Variants in TBXA2R observed in about 807,000 individuals in gnomAD.
TBXA2R encodes thromboxane A2 receptor, also known as prostanoid TP receptor.
A neutral mutation model predicts 15.6 loss-of-function variants in TBXA2R; 15 were observed. The ratio of observed to expected loss-of-function variants is 0.96; its 90% CI spans 0.64 to 1.48. The LOEUF is 1.48. Among genes scored for constraint, TBXA2R ranks in the 40% most tolerant of loss-of-function variants. TBXA2R has a pLI of 0.00. For synonymous variants in TBXA2R, 280 were observed against 241.2 expected (o/e 1.16, Z -1.49); for missense variants, 506 against 491.4 (o/e 1.03, Z -0.28).
rs1260682037 is a variant in TBXA2R, at chr19:3,600,190, C to T, written c.445G>A (p.Ala149Thr). The T allele has an allele frequency of 1.3e-6, 2 of 1,595,542 alleles. No homozygotes were observed. The highest frequency in any genetic ancestry group is 1.7e-5 in the Admixed American group (1 of 57,532). The change falls in exon 2 of 3, where the codon GCC becomes ACC. Residue 149 changes from alanine to threonine, a missense_variant. Transcript: ENST00000375190. ...SRPAVASQRR[A>T]WATVGLVWAA... The stretch of plus-strand genomic sequence containing the variant: ...CACACCAGCCCCACGGTGGCCCAGG[C>T]GCGGCGCTGCGAGGCGACCGCCGGG...
intron 1 of TBXA2R, among the ~76,000 whole-genome samples, chr19:3,603,513 G>A (rs763996158): frequency 1.3e-5 from 2 of 152,178 alleles, no homozygotes; most frequent in East Asian, 3.8e-4. Context: ...TTCCTCCCTC[G>A]AGAGCTGGTA....
chr19:3,596,011 G>C (rs2032597849), intron 2 of TBXA2R, 78 bp from the exon 3 acceptor site: 16 of 1,514,716 alleles, frequency 1.1e-5, no homozygotes, highest in Non-Finnish European at 1.2e-5. Flanking sequence ...GGTCCCTTGA[G>C]ATCCAGGGTC....
rs1002282786 is a variant in TBXA2R at position 3,600,823 on chromosome 19, C to G, written c.-83-106G>C. On this transcript the variant is annotated intron_variant, in intron 1 of 2. Coordinates refer to ENST00000375190, the MANE Select transcript of TBXA2R (RefSeq NM_001060.6). ...CAATGCCCCAGCTCAAATATCCTCT[C>G]CGGTTTTTTTTTTTTTTTTTTTTGA... The G allele has an allele frequency of 3.8e-5, 19 of 503,690 alleles. 1 individual carries two copies. The African/African-American group carries it at 5.3e-4, about 14-fold the overall frequency. 31.2% of individuals were successfully genotyped at this position (503,690 alleles called of 1,614,324 possible). A position where few individuals can be genotyped will look rare whatever the true frequency, so the allele number is the denominator to read the frequency against.
intron 1 of TBXA2R, among the ~76,000 whole-genome samples, chr19:3,602,165 G>C (rs912492951): frequency 6.6e-6 from 1 of 152,164 alleles, no homozygotes; most frequent in Non-Finnish European, 1.5e-5. Context: ...AGCTTGCAGT[G>C]AGCTGAGATC....
At chr19:3,601,040 C>T (rs1348760442) in intron 1 of TBXA2R, among the ~76,000 whole-genome samples, 1 of 151,684 alleles carries the variant, frequency 6.6e-6, no homozygotes, top group East Asian at 2.0e-4. Context: ...AGGCGTGAGC[C>T]ACCGTGCCCG....
Position 3,595,078 on chromosome 19 carries a change from TAA to T in TBXA2R, c.*608_*609del, listed in dbSNP as rs34885751. On this transcript the variant is annotated 3_prime_UTR_variant, in exon 3 of 3. Transcript: ENST00000375190. ...CTGGGCCACAGAGTGAGACTCCGTC[TAA>T]AAAAAAAAAAAAAAATGGCCAGGTG... 0.023 allele frequency: 10,818 copies of T among 468,042 alleles called. No homozygotes were observed. Among genetic ancestry groups the T allele is most frequent in the East Asian group, 0.041 (958 of 23,506 alleles). 29.0% of individuals were successfully genotyped at this position (468,042 alleles called of 1,614,324 possible). A position where few individuals can be genotyped will look rare whatever the true frequency, so the allele number is the denominator to read the frequency against.
chr19:3,599,922 T>A lies in TBXA2R; in HGVS notation c.713A>T (p.Asp238Val). 9.0e-6 allele frequency: 14 copies of A among 1,550,140 alleles called. No individual in the cohort carries two copies. The highest frequency in any genetic ancestry group is 1.2e-5 in the Non-Finnish European group (14 of 1,147,542). ...GQEAAQQRPR[D>V]SEVEMMAQLL... The stretch of plus-strand genomic sequence containing the variant: ...CTGAGCCATCATCTCCACCTCGGAG[T>A]CCCGGGGACGCTGCTGGGCCGCCTC... The change falls in exon 2 of 3, where the codon GAC becomes GTC. Residue 238 changes from aspartate to valine, a missense_variant. Transcript: ENST00000375190.
At chr19:3,602,838 C>A (rs1422331376) in intron 1 of TBXA2R, among the ~76,000 whole-genome samples, 3 of 151,520 alleles carry the variant, frequency 2.0e-5, no homozygotes, top group Non-Finnish European at 4.4e-5. Flanking sequence ...AGATCGAGAC[C>A]ATCCTGGCTA....
chr19:3,600,521 G>A lies in TBXA2R; in HGVS notation c.114C>T (p.Gly38=). Residue 38 remains glycine (G), a synonymous_variant, in exon 2 of 3, where the codon GGC becomes GGT. Coordinates refer to ENST00000375190, the MANE Select transcript of TBXA2R (RefSeq NM_001060.6). Reference sequence around the variant, plus strand: ...TCAGGGCCAGCAGGTTGGAGGCCAGGCCCACCACGCAGAAGGAGGCGGCGA... The same window carrying A: ...TCAGGGCCAGCAGGTTGGAGGCCAGACCCACCACGCAGAAGGAGGCGGCGA... The part of the protein sequence containing the change: ...PWFAASFCVV[G]LASNLLALSV... 1 of 1,612,366 alleles carries A rather than the reference G, an allele frequency of 6.2e-7. No individual in the cohort carries two copies. Among genetic ancestry groups the A allele is most frequent in the Non-Finnish European group, 8.5e-7 (1 of 1,179,332 alleles).
At chr19:3,596,443 C>T (rs374841421) in intron 2 of TBXA2R, among the ~76,000 whole-genome samples, 2 of 152,094 alleles carry the variant, frequency 1.3e-5, no homozygotes, top group South Asian at 2.1e-4. Context: ...CAGTGGCTCA[C>T]GCCTGTGATC....
intron 2 of TBXA2R, 79 bp downstream of exon 2, chr19:3,599,770 C>G: frequency 6.5e-7 from 1 of 1,543,516 alleles, no homozygotes; most frequent in South Asian, 1.2e-5. Context: ...CCCGGTCCCA[C>G]CATCAGGATC....
At position 3,600,131 on chromosome 19, in the gene TBXA2R, C is replaced by T; in HGVS notation, c.504G>A (p.Leu168=). 4.3e-6 allele frequency: 7 copies of T among 1,610,430 alleles called. No homozygotes were observed. The highest frequency in any genetic ancestry group is 1.1e-5 in the South Asian group (1 of 91,000). Residue 168 remains leucine (L), a synonymous_variant, in exon 2 of 3, where the codon CTG becomes CTA. Coordinates refer to ENST00000375190, the MANE Select transcript of TBXA2R (RefSeq NM_001060.6). ...GCACGGTGTAGCGACCCACGCCCAG[C>T]AGGGGCAGCAGGCCCAGCGCCAGCG... ...AAALALGLLP[L]LGVGRYTVQY... is the part of the protein sequence containing the mutation.
chr19:3,605,965 AAC>A (rs201325054), intron 1 of TBXA2R, among the ~76,000 whole-genome samples: 5,391 of 152,038 alleles, frequency 0.035, 196 homozygotes, highest in African/African-American at 0.092. Context: ...CAGACAGAAA[AAC>A]ACAGACACAC....
At chr19:3,601,072 G>A (rs1368993620) in intron 1 of TBXA2R, among the ~76,000 whole-genome samples, 1 of 151,688 alleles carries the variant, frequency 6.6e-6, no homozygotes, top group Non-Finnish European at 1.5e-5. Context: ...CATTTTCATG[G>A]TGTCGGTTTT....
chr19:3,599,775 A>G, intron 2 of TBXA2R, 74 bp downstream of exon 2: 1 of 1,544,042 alleles, frequency 6.5e-7, no homozygotes, highest in East Asian at 2.4e-5. Flanking sequence ...TCCCACCATC[A>G]GGATCTAAAT....
Position 3,600,576 on chromosome 19 carries a change from T to G in TBXA2R, c.59A>C (p.Glu20Ala), listed in dbSNP as rs200765658. 72 of 1,612,338 alleles carry G rather than the reference T, an allele frequency of 4.5e-5. No individual in the cohort carries two copies. Among genetic ancestry groups the G allele is most frequent in the Non-Finnish European group, 6.0e-5 (71 of 1,179,486 alleles). Residue 20 changes from glutamate to alanine, a missense_variant, in exon 2 of 3, where the codon GAG (glutamate) becomes GCG (alanine). Transcript: ENST00000375190. ...PCFRPTNITLEERRLIASPWF... is the reference protein window; with the variant it reads ...PCFRPTNITLAERRLIASPWF... ...GGGCGAGGCGATCAGCCGTCTCTCC[T>G]CCAGGGTAATGTTTGTGGGCCGGAA... is the stretch of plus-strand genomic sequence containing the variant.
chr19:3,596,052 AG>A, intron 2 of TBXA2R, 119 bp from the exon 3 acceptor site: 1 of 1,281,716 alleles, frequency 7.8e-7, no homozygotes, highest in Non-Finnish European at 1.1e-6. Context: ...TTTTTGAGAC[AG>A]GGTCTCACTC....
chr19:3,596,802 C>T (rs1193257913), intron 2 of TBXA2R, among the ~76,000 whole-genome samples: 1 of 150,842 alleles, frequency 6.6e-6, no homozygotes, highest in African/African-American at 2.4e-5. Context: ...AGGATGGTCT[C>T]GATCTCCTGA....
intron 2 of TBXA2R, among the ~76,000 whole-genome samples, chr19:3,596,639 CTT>C (rs35384615): frequency 8.5e-4 from 123 of 145,114 alleles, no homozygotes; most frequent in Admixed American, 1.4e-3. Flanking sequence ...AAATAAATAC[CTT>C]TTTTTTTTTT....
Sources: gnomAD v4.1 joint callset for allele counts (sites outside exome capture counted in the v4.1 genomes callset) on GRCh38, gnomAD v4.1.1 for gene constraint, MANE v1.5 for transcripts, NCBI Gene and HGNC (gene_info 2026-07-23, HGNC 2026-07-21) for gene names.